GRIK2: variants seen among roughly 807,000 people sequenced by gnomAD.
The protein encoded by GRIK2 is glutamate receptor ionotropic, kainate 2.
GRIK2 carries 32 observed loss-of-function variants against 100.3 expected under a neutral mutation model. The observed-to-expected ratio is 0.32, with a 90% CI of 0.24 to 0.43. The LOEUF (loss-of-function observed/expected upper bound fraction) is 0.43, where lower values mean the gene tolerates loss of function less well. Among genes scored for constraint, GRIK2 ranks in the 20% least tolerant of loss-of-function variants. The pLI, the probability that GRIK2 is intolerant of heterozygous loss-of-function variation, is 1.00. For missense variants in GRIK2, 843 were observed against 1,114.9 expected (o/e 0.76, Z 3.47); for synonymous variants, 417 against 389.4 (o/e 1.07, Z -0.83).
At chr6:101,556,494 C>T (rs1262808435) in intron 2 of GRIK2, among the ~76,000 whole-genome samples, 1 of 151,220 alleles carries the variant, frequency 6.6e-6, no homozygotes, top group Non-Finnish European at 1.5e-5. Flanking sequence ...AATTGTTTCA[C>T]AAAATGAACA....
chr6:101,810,744 A>T (rs111766811), intron 9 of GRIK2, among the ~76,000 whole-genome samples: 1 of 149,286 alleles, frequency 6.7e-6, no homozygotes, highest in African/African-American at 2.4e-5. Flanking sequence ...AATGCAACTA[A>T]CTATCTCTAC....
At chr6:101,440,547 A>G (rs1047777046) in intron 2 of GRIK2, among the ~76,000 whole-genome samples, 1 of 152,208 alleles carries the variant, frequency 6.6e-6, no homozygotes, top group African/African-American at 2.4e-5. Context: ...GAAGATTATT[A>G]TGCCCAGTTG....
At chr6:101,469,792 G>A (rs1771848923) in intron 2 of GRIK2, among the ~76,000 whole-genome samples, 1 of 152,190 alleles carries the variant, frequency 6.6e-6, no homozygotes, top group African/African-American at 2.4e-5. Flanking sequence ...TTGCAGGCCT[G>A]AGGGAAGTGG....
At chr6:101,817,425 T>C (rs1275614873) in intron 9 of GRIK2, among the ~76,000 whole-genome samples, 1 of 152,198 alleles carries the variant, frequency 6.6e-6, no homozygotes, top group African/African-American at 2.4e-5. Flanking sequence ...AGTTGGATAC[T>C]TGTCTAGGAG....
intron 2 of GRIK2, among the ~76,000 whole-genome samples, chr6:101,579,623 C>T (rs1255584298): frequency 5.3e-5 from 8 of 151,874 alleles, no homozygotes; most frequent in African/African-American, 1.5e-4. Flanking sequence ...GAGGCCAAGG[C>T]GGGTGGATCA....
chr6:101,894,481 G>A (rs377094280), intron 12 of GRIK2, among the ~76,000 whole-genome samples: 1 of 151,618 alleles, frequency 6.6e-6, no homozygotes, highest in East Asian at 1.9e-4. Flanking sequence ...TCTAATGGTA[G>A]CTCTTTGCTG....
intron 7 of GRIK2, among the ~76,000 whole-genome samples, chr6:101,725,697 A>C (rs974734613): frequency 2.6e-5 from 4 of 151,988 alleles, no homozygotes; most frequent in Admixed American, 2.0e-4. Flanking sequence ...TGCTAAGATT[A>C]AGTGTACAAT....
intron 14 of GRIK2, among the ~76,000 whole-genome samples, chr6:101,958,225 C>T (rs1792061142): frequency 8.9e-6 from 1 of 112,908 alleles, no homozygotes; most frequent in Non-Finnish European, 1.9e-5. Context: ...AGAGCTTTAC[C>T]TACTTGTTTA....
intron 14 of GRIK2, among the ~76,000 whole-genome samples, chr6:101,930,491 TATA>T (rs1790199605): frequency 2.0e-5 from 3 of 152,084 alleles, no homozygotes; most frequent in African/African-American, 7.2e-5. Context: ...ATTTGTAAAA[TATA>T]ATAATACAAC....
At chr6:101,436,383 T>C (rs767054247) in intron 2 of GRIK2, among the ~76,000 whole-genome samples, 1 of 151,950 alleles carries the variant, frequency 6.6e-6, no homozygotes, top group Non-Finnish European at 1.5e-5. Flanking sequence ...TTTTTTATAC[T>C]GAACTCTTAG....
At chr6:101,428,112 A>T (rs1282805561) in intron 2 of GRIK2, among the ~76,000 whole-genome samples, 1 of 152,222 alleles carries the variant, frequency 6.6e-6, no homozygotes, top group Non-Finnish European at 1.5e-5. Flanking sequence ...ACCTATGAAC[A>T]AAAATGTCAG....
rs537622878 is a variant in GRIK2 at position 101,459,977 on chromosome 6, G to A, written c.115+60585G>A. ...TCACCACTTTGGTCAGGCTGGTCTC[G>A]AACTTCCAATCTTAGGTGGTCTGCC... On this transcript the variant is annotated intron_variant, in intron 2 of 16. Transcript: ENST00000369134. 1.9e-3 allele frequency among the ~76,000 whole-genome samples: 283 copies of A among 152,152 alleles called. 2 individuals are homozygous for A. The highest frequency in any genetic ancestry group is 6.5e-3 in the African/African-American group (271 of 41,510).
Position 101,859,283 on chromosome 6 carries a change from T to A in GRIK2, c.1318-4T>A. The A allele has an allele frequency of 6.6e-7, 1 of 1,511,322 alleles. No homozygotes were observed. Among genetic ancestry groups the A allele is most frequent in the Non-Finnish European group, 9.2e-7 (1 of 1,088,174 alleles). The allele number at this position is 1,511,322 out of a possible 1,614,324, so 93.6% of individuals were successfully genotyped here. A position where few individuals can be genotyped will look rare whatever the true frequency, so the allele number is the denominator to read the frequency against. ...CCTCTTTTCTTCTTTTTCAATGTTT[T>A]CAGGAAGAGCCTTATGTCCTTTTTA... On this transcript the variant is annotated splice_region_variant and splice_polypyrimidine_tract_variant and intron_variant, in intron 10 of 16. Transcript: ENST00000369134.
intron 2 of GRIK2, among the ~76,000 whole-genome samples, chr6:101,440,972 ATT>A (rs570045381): frequency 2.5e-4 from 34 of 135,876 alleles, no homozygotes; most frequent in East Asian, 4.2e-4. Flanking sequence ...GCAGGCCTGA[ATT>A]TTTTTTTTTT....
At chr6:101,779,196 A>G (rs2128401030) in intron 7 of GRIK2, among the ~76,000 whole-genome samples, 1 of 152,242 alleles carries the variant, frequency 6.6e-6, no homozygotes, top group East Asian at 1.9e-4. Context: ...CTCATCAGTC[A>G]TGAGGTTAGT....
At chr6:101,579,042 T>TA (rs1009450558) in intron 2 of GRIK2, among the ~76,000 whole-genome samples, 1 of 152,078 alleles carries the variant, frequency 6.6e-6, no homozygotes, top group African/African-American at 2.4e-5. Context: ...GTTAAATAAA[T>TA]AAAGTAAATG....
intron 5 of GRIK2, among the ~76,000 whole-genome samples, chr6:101,677,605 C>G (rs758223856): frequency 1.3e-5 from 2 of 152,090 alleles, no homozygotes; most frequent in African/African-American, 2.4e-5. Flanking sequence ...GAACAAGGCC[C>G]TACACTTACT....
At chr6:101,542,313 A>G (rs1241445661) in intron 2 of GRIK2, among the ~76,000 whole-genome samples, 1 of 152,094 alleles carries the variant, frequency 6.6e-6, no homozygotes, top group Non-Finnish European at 1.5e-5. Context: ...AAATCAGAAA[A>G]TAACTATCTT....
chr6:101,443,577 G>C (rs998005021), intron 2 of GRIK2, among the ~76,000 whole-genome samples: 1 of 151,944 alleles, frequency 6.6e-6, no homozygotes, highest in South Asian at 2.1e-4. Flanking sequence ...AGTGGGGCAG[G>C]TTCATTTCAG....
Sources: allele counts gnomAD v4.1 joint callset (sites outside exome capture counted in the v4.1 genomes callset), GRCh38; gene constraint gnomAD v4.1.1; transcripts MANE v1.5; gene names NCBI Gene and HGNC (gene_info 2026-07-23, HGNC 2026-07-21).